Variants in MACF1 observed in about 807,000 individuals in gnomAD.
MACF1 encodes the protein microtubule actin crosslinking factor 1.
A neutral mutation model predicts 854.8 loss-of-function variants in MACF1; 193 were observed. The ratio of observed to expected loss-of-function variants is 0.23; its 90% CI spans 0.20 to 0.25. MACF1 has a LOEUF of 0.25. Ranked by LOEUF, MACF1 falls within the 10% of genes least tolerant of loss-of-function variation. The pLI is 1.00. For synonymous variants in MACF1, 3,185 were observed against 3,226.7 expected, an observed-to-expected ratio of 0.99 and a Z score of 0.44; for missense variants, 7,722 against 8,929.1, an observed-to-expected ratio of 0.86 and a Z score of 5.45.
At chr1:39,177,830 C>T (rs1048881771) in intron 2 of MACF1, among the ~76,000 whole-genome samples, 5 of 152,096 alleles carry the variant, frequency 3.3e-5, no homozygotes, top group Admixed American at 3.3e-4. Flanking sequence ...TTCTCAGTGA[C>T]TCTTAAGTTT....
At chr1:39,435,160 C>G (rs1235955137) in intron 69 of MACF1, among the ~76,000 whole-genome samples, 1 of 152,170 alleles carries the variant, frequency 6.6e-6, no homozygotes, top group Non-Finnish European at 1.5e-5. Context: ...TGTTGCTATT[C>G]ATAGCTTATC....
At chr1:39,252,288 T>C (rs1256276564) in intron 4 of MACF1, among the ~76,000 whole-genome samples, 1 of 152,182 alleles carries the variant, frequency 6.6e-6, no homozygotes, top group Non-Finnish European at 1.5e-5. Flanking sequence ...GAAAATTTAG[T>C]TGACAGCATG....
chr1:39,301,405 C>T (rs1184724854), intron 22 of MACF1, among the ~76,000 whole-genome samples: 3 of 150,910 alleles, frequency 2.0e-5, no homozygotes, highest in Admixed American at 6.6e-5. Flanking sequence ...GGATTACAGG[C>T]GTGAGCCACC....
intron 6 of MACF1, among the ~76,000 whole-genome samples, chr1:39,258,770 T>C (rs1016431468): frequency 3.3e-5 from 5 of 152,170 alleles, no homozygotes; most frequent in Non-Finnish European, 7.3e-5. Flanking sequence ...CTAGTGGGAA[T>C]AGAAGGCAGG....
At chr1:39,406,756 A>C (rs79885289) in intron 58 of MACF1, among the ~76,000 whole-genome samples, 1,264 of 115,910 alleles carry the variant, frequency 0.011, 57 homozygotes, top group Middle Eastern at 0.026. Context: ...AAAAAAAAAA[A>C]AACATTCTTT....
intron 2 of MACF1, among the ~76,000 whole-genome samples, chr1:39,092,910 G>C (rs1641842449): frequency 1.3e-5 from 2 of 151,972 alleles, no homozygotes; most frequent in African/African-American, 4.8e-5. Flanking sequence ...AGCCCCCCGA[G>C]TAACTGGGAT....
chr1:39,169,143 T>A (rs1643912756), intron 2 of MACF1, among the ~76,000 whole-genome samples: 1 of 152,250 alleles, frequency 6.6e-6, no homozygotes, highest in Non-Finnish European at 1.5e-5. Context: ...CCCCATTCTC[T>A]ATTCCATGAC....
At chr1:39,193,827 A>G (rs1190564183) in intron 2 of MACF1, among the ~76,000 whole-genome samples, 1 of 151,686 alleles carries the variant, frequency 6.6e-6, no homozygotes, top group Non-Finnish European at 1.5e-5. Context: ...ACTTGGGTTT[A>G]AGAGTGAGTT....
chr1:39,181,246 G>T (rs544348484), intron 2 of MACF1, among the ~76,000 whole-genome samples: 1 of 152,266 alleles, frequency 6.6e-6, no homozygotes, highest in South Asian at 2.1e-4. Flanking sequence ...TTATTTTGGG[G>T]GGATCCTCCA....
intron 2 of MACF1, among the ~76,000 whole-genome samples, chr1:39,091,598 C>T (rs754587573): frequency 1.3e-5 from 2 of 152,048 alleles, no homozygotes; most frequent in Non-Finnish European, 2.9e-5. Flanking sequence ...CAAATTCAAG[C>T]GATTCTCCTG....
chr1:39,410,727 G>A, intron 58 of MACF1: 1 of 1,613,916 alleles, frequency 6.2e-7, no homozygotes, highest in African/African-American at 1.3e-5. Context: ...CTCTCAGTGA[G>A]GTTTCAGAAG....
intron 2 of MACF1, among the ~76,000 whole-genome samples, chr1:39,132,723 A>G (rs1557473393): frequency 6.6e-6 from 1 of 152,104 alleles, no homozygotes; most frequent in Non-Finnish European, 1.5e-5. Flanking sequence ...TCTGAGTACC[A>G]GGAGACACTT....
intron 2 of MACF1, among the ~76,000 whole-genome samples, chr1:39,097,515 G>T (rs987896558): frequency 6.6e-5 from 10 of 151,914 alleles, no homozygotes; most frequent in African/African-American, 2.4e-4. Flanking sequence ...TGAGCTCAGG[G>T]GTTCAACATC....
chr1:39,451,292 C>A, intron 85 of MACF1, 81 bp downstream of exon 85: 1 of 1,343,040 alleles, frequency 7.4e-7, no homozygotes, highest in Non-Finnish European at 9.9e-7. Context: ...ATATGACTGC[C>A]TCTGCCCTTC....
chr1:39,371,015 C>CT (rs1649182623), intron 51 of MACF1, among the ~76,000 whole-genome samples: 2 of 152,006 alleles, frequency 1.3e-5, no homozygotes, highest in Non-Finnish European at 2.9e-5. Flanking sequence ...GACTGTGGCT[C>CT]TTTGGAATCA....
At chr1:39,162,426 A>T (rs1011335443) in intron 2 of MACF1, among the ~76,000 whole-genome samples, 29 of 152,088 alleles carry the variant, frequency 1.9e-4, no homozygotes, top group African/African-American at 7.0e-4. Flanking sequence ...GAATCCCATT[A>T]TTTTTTTCTC....
intron 60 of MACF1, among the ~76,000 whole-genome samples, 168 bp downstream of exon 60, chr1:39,423,068 C>A (rs1643599050): frequency 6.6e-6 from 1 of 152,172 alleles, no homozygotes; most frequent in Non-Finnish European, 1.5e-5. Context: ...TTACTTAAAT[C>A]TGGTTTACTG....
intron 2 of MACF1, among the ~76,000 whole-genome samples, chr1:39,234,302 G>A (rs1326934382): frequency 6.6e-6 from 1 of 151,976 alleles, no homozygotes; most frequent in Non-Finnish European, 1.5e-5. Context: ...ATGAGCTGTT[G>A]GGCACACCTC....
intron 2 of MACF1, among the ~76,000 whole-genome samples, chr1:39,128,533 A>G (rs1300500622): frequency 6.6e-6 from 1 of 152,090 alleles, no homozygotes; most frequent in Non-Finnish European, 1.5e-5. Flanking sequence ...CGTCTCTACT[A>G]AAAATACAAA....
Sources: allele counts gnomAD v4.1 joint callset (sites outside exome capture counted in the v4.1 genomes callset), GRCh38; gene constraint gnomAD v4.1.1; transcripts MANE v1.5; gene names NCBI Gene and HGNC (gene_info 2026-07-23, HGNC 2026-07-21).